Variants in NBPF11 observed in about 807,000 individuals in gnomAD.
NBPF11 encodes the protein NBPF member 11.
Under a neutral mutation model 93.9 loss-of-function variants are expected in NBPF11, and 72 were observed. That is an observed-to-expected ratio of 0.77 (90% confidence interval 0.63 to 0.93). The LOEUF is 0.93. Ranked by LOEUF, NBPF11 falls within the 40% of genes least tolerant of loss-of-function variation. The pLI, the probability that NBPF11 is intolerant of heterozygous loss-of-function variation, is 0.00. For missense variants in NBPF11, 705 were observed against 802.2 expected, an observed-to-expected ratio of 0.88 and a Z score of 1.46; for synonymous variants, 224 against 304.9, an observed-to-expected ratio of 0.73 and a Z score of 2.76.
In NBPF11 at chr1:148,115,162, C is replaced by CGCAAAAAA. The variant is rs1666177688; in HGVS notation, c.1585+630_1585+631insTTTTTTGC. Among the ~76,000 whole-genome samples, 14 of 15,178 alleles carry CGCAAAAAA rather than the reference C, an allele frequency of 9.2e-4. 4 individuals are homozygous for CGCAAAAAA. The highest frequency in any genetic ancestry group is 8.5e-3 in the East Asian group (2 of 236). 10.0% of individuals were successfully genotyped at this position (15,178 alleles called of 152,430 possible). On this transcript the variant is annotated intron_variant, in intron 14 of 23. Transcript: ENST00000682118. ...CCTAGGTGACAGAGCAGGACTCCATCACAAAAAAAAAAAAAAAAAAAAAAA... is the reference window on the plus strand; with the variant it reads ...CCTAGGTGACAGAGCAGGACTCCATCGCAAAAAAACAAAAAAAAAAAAAAAAAAAAAAA...
At chr1:148,115,530 C>T (rs1442990516) in intron 14 of NBPF11, among the ~76,000 whole-genome samples, 1 of 151,576 alleles carries the variant, frequency 6.6e-6, no homozygotes, top group Non-Finnish European at 1.5e-5. Context: ...AGTTAGGAGG[C>T]CTGACAGATA....
At chr1:148,125,701 G>A (rs1320384131) in intron 5 of NBPF11, among the ~76,000 whole-genome samples, 4 of 152,006 alleles carry the variant, frequency 2.6e-5, no homozygotes, top group Non-Finnish European at 2.9e-5. Flanking sequence ...GCCAATTAAT[G>A]TTCAAGGAGA....
intron 12 of NBPF11, among the ~76,000 whole-genome samples, chr1:148,117,272 C>T (rs1193962727): frequency 4.0e-5 from 6 of 148,874 alleles, no homozygotes; most frequent in Admixed American, 6.7e-5. Context: ...GAGCTCTTTT[C>T]ACTCTAACAA....
chr1:148,115,185 A>AAAAAAAAG (rs1666197248), intron 14 of NBPF11, among the ~76,000 whole-genome samples: 2 of 140,080 alleles, frequency 1.4e-5, no homozygotes, highest in Non-Finnish European at 1.5e-5. Context: ...AAAAAAAAAA[A>AAAAAAAAG]AAAAAAAAAA....
rs1244966500 is a variant in NBPF11 at position 148,115,293 on chromosome 1, G to C, written c.1585+500C>G. Reference sequence around the variant, plus strand: ...AGCCTTGCTTTATGGAAATATATCAGCAAAGTAAAGAAGAAAAGTTTCCAT... The same window carrying C: ...AGCCTTGCTTTATGGAAATATATCACCAAAGTAAAGAAGAAAAGTTTCCAT... On this transcript the variant is annotated intron_variant, in intron 14 of 23. Transcript: ENST00000682118. Among the ~76,000 whole-genome samples the C allele has an allele frequency of 5.2e-4, 77 of 148,856 alleles. 1 individual carries two copies. The highest frequency in any genetic ancestry group is 1.9e-3 in the African/African-American group (77 of 40,178).
intron 3 of NBPF11, among the ~76,000 whole-genome samples, chr1:148,136,191 T>A (rs1290892654): frequency 6.6e-6 from 1 of 151,972 alleles, no homozygotes; most frequent in African/African-American, 2.4e-5. Flanking sequence ...ACTAAACAAC[T>A]ACCTATTCTA....
At chr1:148,142,145 G>A (rs1672300088) in intron 2 of NBPF11, among the ~76,000 whole-genome samples, 2 of 151,338 alleles carry the variant, frequency 1.3e-5, no homozygotes, top group Non-Finnish European at 1.5e-5. Flanking sequence ...GAGTGGGAGG[G>A]AAGTAGGGAA....
intron 1 of NBPF11, among the ~76,000 whole-genome samples, chr1:148,148,853 G>C (rs1647431768): frequency 6.6e-6 from 1 of 151,720 alleles, no homozygotes; most frequent in Non-Finnish European, 1.5e-5. Context: ...AGGAGGAGAG[G>C]CGCCAGGGCC....
chr1:148,146,821 T>A (rs1338372012), intron 1 of NBPF11: 1 of 1,613,536 alleles, frequency 6.2e-7, no homozygotes, highest in Non-Finnish European at 8.5e-7. Context: ...CTGCAACATC[T>A]TCACCTACGA....
chr1:148,119,535 C>T (rs1667337603), intron 10 of NBPF11, among the ~76,000 whole-genome samples: 4 of 151,862 alleles, frequency 2.6e-5, no homozygotes. Context: ...GTACACTGCA[C>T]TGCTACCTCC....
At chr1:148,143,858 A>C (rs1571494930) in intron 1 of NBPF11, among the ~76,000 whole-genome samples, 172 bp from the exon 2 acceptor site, 2 of 150,340 alleles carry the variant, frequency 1.3e-5, no homozygotes, top group East Asian at 3.9e-4. Context: ...AACAGTCCTC[A>C]CCAGCCTGTG....
rs1666393498 is a variant in NBPF11 at position 148,115,849 on chromosome 1, G to A, written c.1529C>T (p.Thr510Ile). The change falls in exon 14 of 24, where the codon ACT becomes ATT. Residue 510 changes from threonine to isoleucine, a missense_variant. Thr to Ile is a moderately conservative substitution (Grantham distance 89, BLOSUM62 -1). Transcript: ENST00000682118. Reference protein sequence around the residue: ...ITFEEDKVDSTLIGSSSHVEW... With the variant: ...ITFEEDKVDSILIGSSSHVEW... ...AACATGAGAGGATGAGCCAATGAGAGTTGAGTCGACTTTGTCTTCCTCAAA... is the reference window on the plus strand; with the variant it reads ...AACATGAGAGGATGAGCCAATGAGAATTGAGTCGACTTTGTCTTCCTCAAA... 6.3e-7 allele frequency: 1 copy of A among 1,584,662 alleles called. No individual in the cohort carries two copies. Among genetic ancestry groups the A allele is most frequent in the South Asian group, 1.1e-5 (1 of 90,404 alleles).
intron 19 of NBPF11, among the ~76,000 whole-genome samples, chr1:148,107,329 G>C (rs1663932772): frequency 1.3e-5 from 2 of 150,218 alleles, no homozygotes; most frequent in Admixed American, 6.6e-5. Context: ...AGAGAGAGAG[G>C]AGAAAGTGAG....
intron 1 of NBPF11, chr1:148,149,453 G>A: frequency 1.3e-6 from 2 of 1,588,418 alleles, no homozygotes; most frequent in South Asian, 1.1e-5. Context: ...CCCCAAGGCG[G>A]TGGAGCCGCT....
At chr1:148,129,022 T>C (rs1669724812) in intron 4 of NBPF11, among the ~76,000 whole-genome samples, 2 of 147,922 alleles carry the variant, frequency 1.4e-5, no homozygotes, top group East Asian at 2.0e-4. Flanking sequence ...GGGGGAGGGA[T>C]AGCATTAGGA....
chr1:148,103,779 A>T lies in NBPF11; in HGVS notation c.*117T>A, dbSNP rs1382712902. ...GCAAAGCTGATGTGCTGTTCCTCAA[A>T]TGAGTAAAACACACTTCTGTAGTGC... On this transcript the variant is annotated 3_prime_UTR_variant, in exon 24 of 24. Coordinates refer to ENST00000682118, the MANE Select transcript of NBPF11 (RefSeq NM_001385469.3). 185 of 1,611,790 alleles carry T rather than the reference A, an allele frequency of 1.1e-4. No homozygotes were observed. The highest frequency in any genetic ancestry group is 1.3e-4 in the Non-Finnish European group (153 of 1,179,468).
Position 148,105,540 on chromosome 1 carries a change from G to A in NBPF11, c.2304-12C>T, listed in dbSNP as rs1553267091. 2 of 744,212 alleles carry A rather than the reference G, an allele frequency of 2.7e-6. No homozygotes were observed. The highest frequency in any genetic ancestry group is 4.7e-6 in the Non-Finnish European group (2 of 422,328). 46.1% of individuals were successfully genotyped at this position (744,212 alleles called of 1,614,324 possible). A position where few individuals can be genotyped will look rare whatever the true frequency, so the allele number is the denominator to read the frequency against. On this transcript the variant is annotated splice_polypyrimidine_tract_variant and intron_variant, in intron 21 of 23. Transcript: ENST00000682118. Reference sequence around the variant, plus strand: ...GCTCCCTGCTGAGCCTGGAAAAGGAGGAAAAAGTAAAGAATAAGCCAGGGG... The same window carrying A: ...GCTCCCTGCTGAGCCTGGAAAAGGAAGAAAAAGTAAAGAATAAGCCAGGGG...
chr1:148,119,581 G>T (rs1246261329), intron 10 of NBPF11, among the ~76,000 whole-genome samples: 1 of 151,758 alleles, frequency 6.6e-6, no homozygotes, highest in Middle Eastern at 3.4e-3. Context: ...TCCTCTTTAG[G>T]AACAAGACTC....
At chr1:148,146,960 C>G (rs1553277004) in intron 1 of NBPF11, 1 of 1,551,354 alleles carries the variant, frequency 6.4e-7, no homozygotes, top group East Asian at 2.4e-5. Context: ...CTGGGCACAC[C>G]CAAGAGGGGA....
Sources: allele counts gnomAD v4.1 joint callset (sites outside exome capture counted in the v4.1 genomes callset), GRCh38; gene constraint gnomAD v4.1.1; transcripts MANE v1.5; gene names NCBI Gene and HGNC (gene_info 2026-07-23, HGNC 2026-07-21).